The following UNG variants were observed in gnomAD, a reference collection of about 807,000 sequenced individuals.
UNG encodes the protein uracil-DNA glycosylase.
Under a neutral mutation model 36.5 loss-of-function variants are expected in UNG, and 34 were observed. The ratio of observed to expected loss-of-function variants is 0.93; its 90% confidence interval spans 0.71 to 1.24. The LOEUF (loss-of-function observed/expected upper bound fraction) is 1.24. Ranked by LOEUF, UNG falls within the 50% of genes most tolerant of loss-of-function variation. The pLI is 0.00. For missense variants in UNG, 391 were observed against 397.6 expected (o/e 0.98, Z 0.14); for synonymous variants, 172 against 157.8 (o/e 1.09, Z -0.67).
chr12:109,097,970 C>T, intron 1 of UNG, 159 bp downstream of exon 1: 1 of 1,243,604 alleles, frequency 8.0e-7, no homozygotes, highest in Non-Finnish European at 1.1e-6. Context: ...CGCTGTCCCC[C>T]ATGGGCCGCC....
chr12:109,106,890 C>CGTGTATATATATATATAT (rs2042219384), intron 6 of UNG, among the ~76,000 whole-genome samples: 1 of 356 alleles, frequency 2.8e-3, no homozygotes, highest in African/African-American at 7.8e-3. Flanking sequence ...TATATATATA[C>CGTGTATATATATATATAT]ACATATATAT....
chr12:109,101,757 A>G (rs1290434188), intron 3 of UNG, 145 bp from the exon 4 acceptor site: 3 of 717,740 alleles, frequency 4.2e-6, no homozygotes, highest in Middle Eastern at 3.6e-4. Context: ...AGTTTAAAAT[A>G]CGCTTAGCCT....
chr12:109,105,432 A>C (rs1207283239), intron 6 of UNG, among the ~76,000 whole-genome samples: 1 of 152,164 alleles, frequency 6.6e-6, no homozygotes, highest in East Asian at 1.9e-4. Flanking sequence ...GTAATCTTTA[A>C]TCATGGTTTG....
chr12:109,099,605 CT>C (rs1268266356), intron 3 of UNG, among the ~76,000 whole-genome samples: 16 of 141,778 alleles, frequency 1.1e-4, no homozygotes, highest in South Asian at 1.1e-3. Context: ...GCAGTTAAAT[CT>C]TTTGCAGCTT....
chr12:109,097,925 T>C (rs1056345717), intron 1 of UNG, 114 bp downstream of exon 1: 6 of 1,357,780 alleles, frequency 4.4e-6, no homozygotes, highest in Admixed American at 2.9e-5. Context: ...CGGGCTCCGC[T>C]TTCCAAATAG....
chr12:109,098,422 C>T lies in UNG; in HGVS notation c.133-10C>T, dbSNP rs1463003842. 6.2e-7 allele frequency: 1 copy of T among 1,605,288 alleles called. No individual in the cohort carries two copies. The highest frequency in any genetic ancestry group is 8.5e-7 in the Non-Finnish European group (1 of 1,176,022). On this transcript the variant is annotated splice_polypyrimidine_tract_variant and intron_variant, in intron 1 of 6. Transcript: ENST00000242576. ...AGCTCTTGAGCCGCCTCTGCGGGGA[C>T]CACTTGCAGGCCATCCCAGCCAAGA... is the stretch of plus-strand genomic sequence containing the variant.
Position 109,110,143 on chromosome 12 carries a change from C to G in UNG, c.*174C>G. On this transcript the variant is annotated 3_prime_UTR_variant, in exon 7 of 7. Coordinates refer to ENST00000242576, the MANE Select transcript of UNG (RefSeq NM_080911.3). The stretch of plus-strand genomic sequence containing the variant: ...AATGGCAGCTGTATCCAACCACAAA[C>G]AACAAAGGCTACCCTTTGACCAAAT... 1 of 788,812 alleles carries G rather than the reference C, an allele frequency of 1.3e-6. No individual in the cohort carries two copies. The highest frequency in any genetic ancestry group is 2.4e-5 in the Admixed American group (1 of 41,408). The allele number at this position is 788,812 out of a possible 1,614,324, so 48.9% of individuals were successfully genotyped here.
chr12:109,098,177 G>A (rs1242156270), intron 1 of UNG: 11 of 1,420,770 alleles, frequency 7.7e-6, no homozygotes, highest in Admixed American at 2.9e-5. Flanking sequence ...CCTCTGTGCA[G>A]GGTTCCCAGT....
chr12:109,098,066 G>C, intron 1 of UNG: 2 of 1,384,104 alleles, frequency 1.4e-6, no homozygotes, highest in Non-Finnish European at 1.9e-6. Context: ...TCGGTGCGCT[G>C]TCCAATCAGA....
Position 109,098,475 on chromosome 12 carries a change from G to A in UNG, c.176G>A (p.Gly59Glu), listed in dbSNP as rs1485203810. The part of the protein sequence containing the change: ...KKAPAGQEEP[G>E]TPPSSPLSAE... ...GCCCCGGCTGGGCAGGAGGAGCCTG[G>A]GACGCCGCCCTCCTCGCCGCTGAGT... Residue 59 changes from glycine to glutamate, a missense_variant, in exon 2 of 7, where the codon GGG becomes GAG. Transcript: ENST00000242576. The A allele has an allele frequency of 1.2e-6, 2 of 1,612,072 alleles. No individual in the cohort carries two copies. The highest frequency in any genetic ancestry group is 1.7e-6 in the Non-Finnish European group (2 of 1,179,450).
intron 6 of UNG, among the ~76,000 whole-genome samples, chr12:109,103,967 A>T (rs2042198121): frequency 6.6e-6 from 1 of 152,222 alleles, no homozygotes; most frequent in African/African-American, 2.4e-5. Flanking sequence ...ATTTGGGAAC[A>T]TATAGAAAAC....
chr12:109,098,004 A>G lies in UNG; in HGVS notation c.132+193A>G, dbSNP rs1018782. 0.18 allele frequency: 227,229 copies of G among 1,255,864 alleles called. 23,391 individuals carry two copies. The highest frequency in any genetic ancestry group is 0.42 in the African/African-American group (27,053 of 64,436). 77.8% of individuals were successfully genotyped at this position (1,255,864 alleles called of 1,614,324 possible). ...CCATGCTAAAGGGCCAGCCAATGGG[A>G]ACGCGTCTCGGGGCCCATGGCGCCA... is the stretch of plus-strand genomic sequence containing the variant. On this transcript the variant is annotated intron_variant, in intron 1 of 6. Transcript: ENST00000242576.
At chr12:109,099,389 TAAAA>T in intron 3 of UNG, 105 bp downstream of exon 3, 1 of 977,578 alleles carries the variant, frequency 1.0e-6, no homozygotes, top group Non-Finnish European at 1.6e-6. Context: ...CAGTAGTAAA[TAAAA>T]CACTGAAATC....
rs1404333497 is a variant in UNG, at chr12:109,101,970, T to C, written c.504T>C (p.Ser168=). Residue 168 remains serine, a synonymous_variant, in exon 4 of 7, where the codon AGT becomes AGC. Coordinates refer to ENST00000242576, the MANE Select transcript of UNG (RefSeq NM_080911.3). ...ATCAAGCTCACGGGCTCTGCTTTAGTGTTCAAAGGCCTGTTCCGCCTCCGC... is the reference window on the plus strand; with the variant it reads ...ATCAAGCTCACGGGCTCTGCTTTAGCGTTCAAAGGCCTGTTCCGCCTCCGC... ...GPNQAHGLCF[S]VQRPVPPPPS... is the part of the protein sequence containing the mutation. 6.2e-7 allele frequency: 1 copy of C among 1,614,064 alleles called. No individual in the cohort carries two copies. The highest frequency in any genetic ancestry group is 8.5e-7 in the Non-Finnish European group (1 of 1,179,990).
intron 5 of UNG, 64 bp from the exon 6 acceptor site, chr12:109,103,369 T>C: frequency 6.8e-7 from 1 of 1,477,850 alleles, no homozygotes. Context: ...ATTTAGCTCC[T>C]GTTGCTGGGT....
rs1395385244 is a variant in UNG at position 109,101,883 on chromosome 12, G to A, written c.436-19G>A. Reference sequence around the variant, plus strand: ...TACATTACAGTATTGTTTAATTCCTGACCCCTGGTGGTTCACAGGTGAAGG... The same window carrying A: ...TACATTACAGTATTGTTTAATTCCTAACCCCTGGTGGTTCACAGGTGAAGG... On this transcript the variant is annotated intron_variant, in intron 3 of 6. Coordinates refer to ENST00000242576, the MANE Select transcript of UNG (RefSeq NM_080911.3). 1 of 1,609,284 alleles carries A rather than the reference G, an allele frequency of 6.2e-7. No individual in the cohort carries two copies. The highest frequency in any genetic ancestry group is 8.5e-7 in the Non-Finnish European group (1 of 1,175,818).
intron 1 of UNG, chr12:109,098,210 C>T: frequency 1.4e-6 from 2 of 1,452,570 alleles, no homozygotes; most frequent in South Asian, 2.9e-5. Context: ...CCTCGGGAAG[C>T]CATAGGGCGC....
intron 2 of UNG, 97 bp from the exon 3 acceptor site, chr12:109,099,092 A>C (rs1227174869): frequency 8.7e-7 from 1 of 1,152,862 alleles, no homozygotes; most frequent in Non-Finnish European, 1.3e-6. Context: ...CAAAGAACTA[A>C]TGATGTTCCA....
chr12:109,110,662 G>A lies in UNG; in HGVS notation c.*693G>A, dbSNP rs1282231440. On this transcript the variant is annotated 3_prime_UTR_variant, in exon 7 of 7. Transcript: ENST00000242576. ...ATTTGAACAAGGAAGAGGAGAAAAG[G>A]GAATTTTGTCTTTATGGGGTGGGGT... The A allele has an allele frequency of 6.6e-6, 1 of 150,468 alleles. No homozygotes were observed. The highest frequency in any genetic ancestry group is 2.5e-5 in the African/African-American group (1 of 39,420). 9.3% of individuals were successfully genotyped at this position (150,468 alleles called of 1,614,324 possible). A position where few individuals can be genotyped will look rare whatever the true frequency, so the allele number is the denominator to read the frequency against.
Sources: gnomAD v4.1 joint callset for allele counts (sites outside exome capture counted in the v4.1 genomes callset) on GRCh38, gnomAD v4.1.1 for gene constraint, MANE v1.5 for transcripts, NCBI Gene and HGNC (gene_info 2026-07-23, HGNC 2026-07-21) for gene names.